The following ECT2 variants were observed in gnomAD, a reference collection of about 807,000 sequenced individuals.
The protein encoded by ECT2 is protein ECT2.
In ECT2, 61 loss-of-function variants were observed where a neutral mutation model predicts 116.9. That is an observed-to-expected ratio of 0.52 (90% CI 0.42 to 0.65). The LOEUF (loss-of-function observed/expected upper bound fraction) is 0.65, where lower values mean the gene tolerates loss of function less well. ECT2 is among the 30% of genes least tolerant of loss of function. The pLI is 0.00. For synonymous variants in ECT2, 358 were observed against 346.4 expected (o/e 1.03, Z -0.37); for missense variants, 937 against 1,078.7 (o/e 0.87, Z 1.84).
chr3:172,803,515 A>G (rs902912363), intron 20 of ECT2, among the ~76,000 whole-genome samples: 2 of 152,200 alleles, frequency 1.3e-5, no homozygotes, highest in African/African-American at 4.8e-5. Flanking sequence ...TTCTTTTTGT[A>G]TTACCCCTGC....
At position 172,773,994 on chromosome 3, in the gene ECT2, A is replaced by G. The variant is rs1721177894; in HGVS notation, c.1520A>G (p.Asp507Gly). Residue 507 changes from aspartate to glycine, a missense_variant, in exon 14 of 25, where the codon GAT (aspartate) becomes GGT (glycine). Asp to Gly is a moderately conservative substitution (Grantham distance 94). Transcript: ENST00000392692. ...EIKTIFGSIP[D>G]IFDVHTKIKD... Reference sequence around the variant, plus strand: ...AAGACTATTTTTGGTAGCATCCCAGATATCTTTGATGTACACACTAAGATA... The same window carrying G: ...AAGACTATTTTTGGTAGCATCCCAGGTATCTTTGATGTACACACTAAGATA... 3.1e-6 allele frequency: 5 copies of G among 1,612,788 alleles called. No homozygotes were observed. Among genetic ancestry groups the G allele is most frequent in the African/African-American group, 1.3e-5 (1 of 74,882 alleles).
At chr3:172,753,813 C>T (rs76270481) in intron 1 of ECT2, among the ~76,000 whole-genome samples, 55 of 152,190 alleles carry the variant, frequency 3.6e-4, no homozygotes, top group African/African-American at 1.0e-3. Flanking sequence ...AATAGTTAGG[C>T]GGGGACCAAA....
chr3:172,782,745 GTCT>G (rs770820756), intron 15 of ECT2, among the ~76,000 whole-genome samples: 5 of 152,022 alleles, frequency 3.3e-5, no homozygotes, highest in East Asian at 1.9e-4. Context: ...ATGTGTCTAT[GTCT>G]TCTTATCATT....
chr3:172,802,596 T>G lies in ECT2; in HGVS notation c.1908-20T>G. 1 of 1,462,904 alleles carries G rather than the reference T, an allele frequency of 6.8e-7. No individual in the cohort carries two copies. The highest frequency in any genetic ancestry group is 9.3e-7 in the Non-Finnish European group (1 of 1,069,942). The allele number at this position is 1,462,904 out of a possible 1,614,324, so 90.6% of individuals were successfully genotyped here. A position where few individuals can be genotyped will look rare whatever the true frequency, so the allele number is the denominator to read the frequency against. On this transcript the variant is annotated intron_variant, in intron 18 of 24. Transcript: ENST00000392692. ...TTTTCATGTTCTATTTTAAAAGTTT[T>G]AAAAATAACTATTTTTCAGGCATAT...
chr3:172,762,883 T>C (rs371741696), intron 10 of ECT2, 27 bp from the exon 11 acceptor site: 1 of 1,612,516 alleles, frequency 6.2e-7, no homozygotes, highest in African/African-American at 1.3e-5. Context: ...GTAAACTGTT[T>C]ATTAAAATGT....
chr3:172,810,138 C>G (rs1728499939), intron 22 of ECT2, among the ~76,000 whole-genome samples: 1 of 152,112 alleles, frequency 6.6e-6, no homozygotes, highest in African/African-American at 2.4e-5. Flanking sequence ...TTTCTGACCT[C>G]TAATGTCAGA....
intron 20 of ECT2, among the ~76,000 whole-genome samples, chr3:172,803,196 A>G (rs1170256644): frequency 6.6e-6 from 1 of 152,184 alleles, no homozygotes; most frequent in African/African-American, 2.4e-5. Context: ...CATGACTTCA[A>G]ATCTAAGTTA....
chr3:172,819,911 A>T (rs1217808592), intron 24 of ECT2, among the ~76,000 whole-genome samples: 1 of 152,126 alleles, frequency 6.6e-6, no homozygotes, highest in Admixed American at 6.6e-5. Context: ...CAGTTGAGTT[A>T]ATATCTAGTT....
rs1395784163 is a variant in ECT2, at chr3:172,765,276, C to A, written c.1291+776C>A. On this transcript the variant is annotated intron_variant, in intron 12 of 24. Coordinates refer to ENST00000392692, the MANE Select transcript of ECT2 (RefSeq NM_001258315.2). ...CTTTGCTTCTGTGATATTACTTACT[C>A]ATTTCTCATTCTCCTTGGCCTAACT... Among the ~76,000 whole-genome samples, 3 of 151,974 alleles carry A rather than the reference C, an allele frequency of 2.0e-5. No individual in the cohort carries two copies. In the South Asian group the frequency reaches 6.2e-4, roughly 32 times the overall value.
intron 24 of ECT2, among the ~76,000 whole-genome samples, chr3:172,819,421 G>A (rs1730353461): frequency 6.6e-6 from 1 of 151,968 alleles, no homozygotes; most frequent in African/African-American, 2.4e-5. Flanking sequence ...GACTTCTCAG[G>A]GATGTAAAAC....
intron 18 of ECT2, among the ~76,000 whole-genome samples, chr3:172,797,234 C>G (rs939696269): frequency 6.6e-6 from 1 of 151,498 alleles, no homozygotes; most frequent in Non-Finnish European, 1.5e-5. Flanking sequence ...GTGCTTTTGC[C>G]ATTTTGCCCA....
chr3:172,768,171 G>T (rs1224254345), intron 12 of ECT2, among the ~76,000 whole-genome samples: 1 of 152,040 alleles, frequency 6.6e-6, no homozygotes, highest in Non-Finnish European at 1.5e-5. Flanking sequence ...TTTTGTGGGG[G>T]GGCTTCTTTT....
At position 172,762,817 on chromosome 3, in the gene ECT2, C is replaced by G. The variant is rs1718580877; in HGVS notation, c.1005+11C>G. The G allele has an allele frequency of 6.2e-7, 1 of 1,610,220 alleles. No individual in the cohort carries two copies. The highest frequency in any genetic ancestry group is 8.5e-7 in the Non-Finnish European group (1 of 1,178,420). ...GTTGTCAAGCAAGAGGCAAGTAATT[C>G]TAGAATGAGGTTGGTTTTTAAAAAC... On this transcript the variant is annotated intron_variant, in intron 10 of 24. Transcript: ENST00000392692.
downstream of ECT2, among the ~76,000 whole-genome samples, chr3:172,826,359 C>G (rs984043454): frequency 1.3e-5 from 2 of 152,166 alleles, no homozygotes; most frequent in Non-Finnish European, 2.9e-5. Flanking sequence ...ATAGACTTTG[C>G]TTGTGCTCTA....
chr3:172,802,119 T>C (rs1299156449), intron 18 of ECT2, among the ~76,000 whole-genome samples: 1 of 151,910 alleles, frequency 6.6e-6, no homozygotes, highest in Non-Finnish European at 1.5e-5. Flanking sequence ...TTGTTTTTGT[T>C]TTTGTTTTTT....
At chr3:172,809,762 C>T (rs1318996189) in intron 22 of ECT2, among the ~76,000 whole-genome samples, 2 of 152,004 alleles carry the variant, frequency 1.3e-5, no homozygotes, top group Non-Finnish European at 2.9e-5. Context: ...ATAAGCACAA[C>T]TATTTTATTC....
At chr3:172,777,233 A>G (rs534010701) in intron 14 of ECT2, among the ~76,000 whole-genome samples, 5 of 152,322 alleles carry the variant, frequency 3.3e-5, no homozygotes, top group African/African-American at 1.2e-4. Context: ...TGTTTATAAA[A>G]TGGGGATAAT....
chr3:172,754,309 T>C (rs775525886), intron 1 of ECT2, 200 bp from the exon 2 acceptor site: 12 of 403,524 alleles, frequency 3.0e-5, no homozygotes, highest in Non-Finnish European at 4.8e-5. Context: ...ATTTTTATTA[T>C]ATTCCTGTGA....
chr3:172,758,437 T>C (rs1372988453), intron 5 of ECT2, among the ~76,000 whole-genome samples: 1 of 150,126 alleles, frequency 6.7e-6, no homozygotes, highest in Non-Finnish European at 1.5e-5. Context: ...TCAAATTTAT[T>C]CTTTTATTAT....
Sources: allele counts gnomAD v4.1 joint callset (sites outside exome capture counted in the v4.1 genomes callset), GRCh38; gene constraint gnomAD v4.1.1; transcripts MANE v1.5; gene names NCBI Gene and HGNC (gene_info 2026-07-23, HGNC 2026-07-21).